The following ABCC10 variants were observed in gnomAD, a reference collection of about 807,000 sequenced individuals.
ABCC10 encodes ATP binding cassette subfamily C member 10, also known as ATP-binding cassette sub-family C member 10.
A neutral mutation model predicts 143.2 loss-of-function variants in ABCC10; 110 were observed. That is an observed-to-expected ratio of 0.77 (90% CI 0.66 to 0.90). The LOEUF is 0.90. Among genes scored for constraint, ABCC10 ranks in the 40% least tolerant of loss-of-function variants. The probability of loss-of-function intolerance (pLI) is 0.00; values close to 1 mark genes in which losing one functional copy is unlikely to be tolerated. For missense variants in ABCC10, 1,700 were observed against 1,900.5 expected, an observed-to-expected ratio of 0.89 and a Z score of 1.96; for synonymous variants, 805 against 846.7, an observed-to-expected ratio of 0.95 and a Z score of 0.85.
intron 4 of ABCC10, among the ~76,000 whole-genome samples, chr6:43,435,383 A>T (rs1388747125): frequency 6.6e-6 from 1 of 152,146 alleles, no homozygotes; most frequent in African/African-American, 2.4e-5. Flanking sequence ...AAATATAAAA[A>T]TTAACCAGGT....
chr6:43,438,885 G>T, intron 8 of ABCC10, 90 bp downstream of exon 8: 2 of 1,497,746 alleles, frequency 1.3e-6, no homozygotes, highest in Non-Finnish European at 1.8e-6. Flanking sequence ...CTGGAAAGGG[G>T]TTGCTTCTAC....
In ABCC10 at chr6:43,448,152, C is replaced by T. The variant is rs79027003; in HGVS notation, c.3959+215C>T. The T allele has an allele frequency of 8.0e-6, 6 of 750,306 alleles. No homozygotes were observed. In the African/African-American group the frequency reaches 8.6e-5, roughly 11 times the overall value. 46.5% of individuals were successfully genotyped at this position (750,306 alleles called of 1,614,324 possible). A position where few individuals can be genotyped will look rare whatever the true frequency, so the allele number is the denominator to read the frequency against. On this transcript the variant is annotated intron_variant, in intron 18 of 21. Transcript: ENST00000372530. ...ATCTCAAGGTCTTCCTCGCCCTGAC[C>T]CAGGCCACCTTTCCAGCTTCATCTT... is the stretch of plus-strand genomic sequence containing the variant.
chr6:43,449,567 G>C (rs749148602), intron 21 of ABCC10, 33 bp downstream of exon 21: 2 of 1,571,344 alleles, frequency 1.3e-6, no homozygotes, highest in Non-Finnish European at 8.7e-7. Context: ...CCTAATCAGG[G>C]ACTGTGGTAG....
chr6:43,449,270 G>GT, intron 20 of ABCC10, 66 bp downstream of exon 20: 1 of 1,574,772 alleles, frequency 6.4e-7, no homozygotes, highest in Non-Finnish European at 8.7e-7. Context: ...AGGTGGGGAG[G>GT]TAGAGTGGGG....
chr6:43,451,582 C>T (rs1166501691), downstream of ABCC10, among the ~76,000 whole-genome samples: 3 of 152,094 alleles, frequency 2.0e-5, no homozygotes, highest in Admixed American at 6.5e-5. This position sits in a 1 kb window ranked among gnomAD's most constrained non-coding sequence, Gnocchi z 4.4. Context: ...TCCAGCCCTG[C>T]AGGCTGTTTC....
At chr6:43,450,661 A>T, downstream of ABCC10, 2 of 1,613,896 alleles carry the variant, frequency 1.2e-6, no homozygotes, top group Non-Finnish European at 1.7e-6. This position sits in a 1 kb window ranked among gnomAD's most constrained non-coding sequence, Gnocchi z 4.5. Context: ...GGGGCAGGGT[A>T]GCAACAGGGT....
At position 43,443,823 on chromosome 6, in the gene ABCC10, G is replaced by A. The variant is rs1246780558; in HGVS notation, c.2417-110G>A. 1 of 1,146,804 alleles carries A rather than the reference G, an allele frequency of 8.7e-7. No individual in the cohort carries two copies. The highest frequency in any genetic ancestry group is 1.3e-6 in the Non-Finnish European group (1 of 761,414). The allele number at this position is 1,146,804 out of a possible 1,614,324, so 71.0% of individuals were successfully genotyped here. On this transcript the variant is annotated intron_variant, in intron 10 of 21. Coordinates refer to ENST00000372530, the MANE Select transcript of ABCC10 (RefSeq NM_001198934.2). This position sits in a 1 kb window ranked among gnomAD's most constrained non-coding sequence, Gnocchi z 4.2. ...GTCTAGGGGTATCCTGCTAGGGTGG[G>A]TTAGACGGGGAGGCCTGAGAGGATG... is the stretch of plus-strand genomic sequence containing the variant.
chr6:43,429,843 C>T (rs1428707180), intron 2 of ABCC10, among the ~76,000 whole-genome samples: 2 of 152,194 alleles, frequency 1.3e-5, no homozygotes, highest in Non-Finnish European at 2.9e-5. Context: ...TGGTGAAACC[C>T]CATCTTGAAT....
chr6:43,450,809 C>T (rs1311522039), downstream of ABCC10: 9 of 1,614,218 alleles, frequency 5.6e-6, no homozygotes, highest in Non-Finnish European at 7.6e-6. This position sits in a 1 kb window ranked among gnomAD's most constrained non-coding sequence, Gnocchi z 4.5. Context: ...GCCTCCGCAC[C>T]ACCTCCTTCA....
In ABCC10 at chr6:43,447,340, G is replaced by A; in HGVS notation, c.3637G>A (p.Val1213Met). 6.2e-7 allele frequency: 1 copy of A among 1,613,494 alleles called. No homozygotes were observed. The highest frequency in any genetic ancestry group is 8.5e-7 in the Non-Finnish European group (1 of 1,180,010). Residue 1213 changes from valine to methionine, a missense_variant, in exon 17 of 22, where the codon GTG becomes ATG. Coordinates refer to ENST00000372530, the MANE Select transcript of ABCC10 (RefSeq NM_001198934.2). ...CTTCACACAGACAGAGGCCATGCTG[G>A]TGAGCGTCGAGCGGCTGGAAGAGTA... Reference protein sequence around the residue: ...SSFTQTEAMLVSVERLEEYTC... With the variant: ...SSFTQTEAMLMSVERLEEYTC...
chr6:43,435,675 C>G, intron 4 of ABCC10, 76 bp from the exon 5 acceptor site: 1 of 1,533,858 alleles, frequency 6.5e-7, no homozygotes, highest in Non-Finnish European at 8.8e-7. Flanking sequence ...CCTCCGTAGA[C>G]CTGTCCACAG....
At position 43,448,986 on chromosome 6, in the gene ABCC10, C is replaced by A; in HGVS notation, c.4065C>A (p.Ala1355=). 1.9e-6 allele frequency: 3 copies of A among 1,614,104 alleles called. 1 individual carries two copies. In the South Asian group the frequency reaches 3.3e-5, roughly 18 times the overall value. ...GLHKDRALWQ[A]LKQCHLSEVI... is the part of the protein sequence containing the mutation. ...ATAAGGACAGGGCCTTGTGGCAGGC[C>A]CTGAAGCAGTGCCACCTGAGTGAGG... The change falls in exon 19 of 22, where the codon GCC becomes GCA. Residue 1355 remains alanine (A), a synonymous_variant. Coordinates refer to ENST00000372530, the MANE Select transcript of ABCC10 (RefSeq NM_001198934.2).
chr6:43,432,641 C>T lies in ABCC10; in HGVS notation c.661C>T (p.Leu221=). Reference sequence around the variant, plus strand: ...GGTGGCTGAAGATGGGGAGAGTTGGCTGTCACGCTTTTCCTATGCCTGGCT... The same window carrying T: ...GGTGGCTGAAGATGGGGAGAGTTGGTTGTCACGCTTTTCCTATGCCTGGCT... The part of the protein sequence containing the change: ...PEVAEDGESW[L]SRFSYAWLAP... The change falls in exon 3 of 22, where the codon CTG becomes TTG. Residue 221 remains leucine, a synonymous_variant. Transcript: ENST00000372530. 6.2e-7 allele frequency: 1 copy of T among 1,613,902 alleles called. No individual in the cohort carries two copies. Among genetic ancestry groups the T allele is most frequent in the Non-Finnish European group, 8.5e-7 (1 of 1,180,032 alleles).
At chr6:43,439,185 C>T (rs1011932714) in intron 8 of ABCC10, among the ~76,000 whole-genome samples, 1 of 152,112 alleles carries the variant, frequency 6.6e-6, no homozygotes, top group Non-Finnish European at 1.5e-5. Flanking sequence ...TATTAGATTT[C>T]CCCTTGCCCC....
chr6:43,437,562 T>C (rs1781884367), intron 6 of ABCC10, among the ~76,000 whole-genome samples: 1 of 150,774 alleles, frequency 6.6e-6, no homozygotes, highest in Non-Finnish European at 1.5e-5. Flanking sequence ...AGCCAACCCA[T>C]CATCCAGGCC....
In ABCC10 at chr6:43,447,957, G is replaced by C; in HGVS notation, c.3959+20G>C. 2 of 1,609,644 alleles carry C rather than the reference G, an allele frequency of 1.2e-6. No individual in the cohort carries two copies. The highest frequency in any genetic ancestry group is 1.7e-6 in the Non-Finnish European group (2 of 1,179,846). On this transcript the variant is annotated intron_variant, in intron 18 of 21. Transcript: ENST00000372530. ...GCTCAGGTCTGGGGGAGATGGACTT[G>C]GGAGGGGAAGGGGGAACCAGAACTA...
At chr6:43,439,137 C>T (rs1782059753) in intron 8 of ABCC10, among the ~76,000 whole-genome samples, 1 of 152,094 alleles carries the variant, frequency 6.6e-6, no homozygotes, top group African/African-American at 2.4e-5. Context: ...GTCAAAGTTT[C>T]ATTTGGTTGC....
rs751827585 is a variant in ABCC10 at position 43,449,937 on chromosome 6, C to T, written c.4325C>T (p.Thr1442Met). 1.9e-5 allele frequency: 31 copies of T among 1,613,942 alleles called. No individual in the cohort carries two copies. The highest frequency in any genetic ancestry group is 1.7e-4 in the Middle Eastern group (1 of 6,010). Residue 1442 changes from threonine (T) to methionine (M), a missense_variant, in exon 22 of 22, where the codon ACG becomes ATG. By Grantham distance (81) the Thr-to-Met change is moderately conservative. Transcript: ENST00000372530. ...CATCTTCCCCCTCACAGGCTCAACA[C>T]GATCCTGAACTCAGACCGGGTGCTG... ...TVLTIAHRLN[T>M]ILNSDRVLVL...
downstream of ABCC10, chr6:43,450,727 G>A (rs1373553700): frequency 1.9e-6 from 3 of 1,614,066 alleles, no homozygotes; most frequent in Admixed American, 3.3e-5. The surrounding 1 kb of genome is among the most constrained non-coding windows in gnomAD (Gnocchi z 4.5). Context: ...ACAGTAGCCA[G>A]AACCAGGGCA....
Sources: allele counts gnomAD v4.1 joint callset (sites outside exome capture counted in the v4.1 genomes callset), GRCh38; gene constraint gnomAD v4.1.1; non-coding constraint Gnocchi (gnomAD v3.1); transcripts MANE v1.5; gene names NCBI Gene and HGNC (gene_info 2026-07-23, HGNC 2026-07-21).